Variants in GRM1 observed in about 807,000 individuals in gnomAD.
GRM1 encodes glutamate metabotropic receptor 1, also known as metabotropic glutamate receptor 1.
GRM1 carries 33 observed loss-of-function variants against 90.9 expected under a neutral mutation model. That is an observed-to-expected ratio of 0.36 (90% CI 0.28 to 0.49). The LOEUF (loss-of-function observed/expected upper bound fraction) is 0.49, where lower values mean the gene tolerates loss of function less well. GRM1 is among the 20% of genes least tolerant of loss of function. The pLI is 0.99. For synonymous variants in GRM1, 700 were observed against 613.2 expected, an observed-to-expected ratio of 1.14 and a Z score of -2.09; for missense variants, 1,190 against 1,534.3, an observed-to-expected ratio of 0.78 and a Z score of 3.75.
chr6:146,212,409 C>T (rs1246795159), intron 2 of GRM1, among the ~76,000 whole-genome samples: 5 of 152,184 alleles, frequency 3.3e-5, no homozygotes, highest in Non-Finnish European at 7.3e-5. Flanking sequence ...CCTTCTAATT[C>T]TCAGTATAAC....
intron 2 of GRM1, among the ~76,000 whole-genome samples, chr6:146,169,774 A>C (rs1356178896): frequency 6.6e-6 from 1 of 152,136 alleles, no homozygotes; most frequent in Non-Finnish European, 1.5e-5. Flanking sequence ...ACATTTATAC[A>C]ATGTCTGATA....
intron 5 of GRM1, 111 bp downstream of exon 5, chr6:146,357,805 G>A: frequency 1.1e-6 from 1 of 883,498 alleles, no homozygotes. Flanking sequence ...GAAAGGGTGT[G>A]CCAGGCTTAC....
At chr6:146,147,341 G>A (rs929314951) in intron 1 of GRM1, among the ~76,000 whole-genome samples, 47 of 152,178 alleles carry the variant, frequency 3.1e-4, no homozygotes, top group East Asian at 1.9e-4. Flanking sequence ...GGCAAGTTAC[G>A]TAAGTTCTCT....
chr6:146,296,956 G>C (rs1478711040), intron 2 of GRM1, among the ~76,000 whole-genome samples: 4 of 152,178 alleles, frequency 2.6e-5, no homozygotes, highest in African/African-American at 9.7e-5. Flanking sequence ...ATGGGTGTTA[G>C]AATCGATTTC....
chr6:146,242,272 A>G (rs1780892110), intron 2 of GRM1, among the ~76,000 whole-genome samples: 1 of 152,160 alleles, frequency 6.6e-6, no homozygotes, highest in Non-Finnish European at 1.5e-5. Flanking sequence ...CCTGTGTCAC[A>G]CAGCTAGCAA....
At chr6:146,228,135 G>A (rs548091107) in intron 2 of GRM1, among the ~76,000 whole-genome samples, 48 of 152,186 alleles carry the variant, frequency 3.2e-4, no homozygotes, top group African/African-American at 1.1e-3. Context: ...TTGTCCTTCT[G>A]GCATCACCTT....
chr6:146,350,717 A>C lies in GRM1; in HGVS notation c.1187-1533A>C, dbSNP rs568202795. Among the ~76,000 whole-genome samples, 26 of 152,220 alleles carry C rather than the reference A, an allele frequency of 1.7e-4. 2 individuals are homozygous for C. In the South Asian group the frequency reaches 5.2e-3, roughly 30 times the overall value. ...TGAATCTGCAATTTTTGGAAGGAGG[A>C]TCTTTTCTTTCTTATGTAACTTTCT... is the stretch of plus-strand genomic sequence containing the variant. On this transcript the variant is annotated intron_variant, in intron 3 of 7. Coordinates refer to ENST00000282753, the MANE Select transcript of GRM1 (RefSeq NM_001278064.2).
intron 1 of GRM1, among the ~76,000 whole-genome samples, chr6:146,035,494 G>C (rs929920936): frequency 6.6e-6 from 1 of 151,956 alleles, no homozygotes; most frequent in Non-Finnish European, 1.5e-5. Context: ...TTCTCTAGCT[G>C]TCTACTTTAT....
At chr6:146,235,055 T>C (rs934166527) in intron 2 of GRM1, among the ~76,000 whole-genome samples, 1 of 152,162 alleles carries the variant, frequency 6.6e-6, no homozygotes, top group African/African-American at 2.4e-5. Context: ...AATTTCTTTT[T>C]GTCATCATAT....
At chr6:146,094,487 CTA>C (rs1776813476) in intron 1 of GRM1, among the ~76,000 whole-genome samples, 1 of 152,108 alleles carries the variant, frequency 6.6e-6, no homozygotes, top group Admixed American at 6.6e-5. Flanking sequence ...TGCATGACTG[CTA>C]TAGGGCGTAT....
In GRM1 at chr6:146,316,263, T is replaced by A. The variant is rs180766097; in HGVS notation, c.1186+11417T>A. 5.1e-3 allele frequency among the ~76,000 whole-genome samples: 774 copies of A among 152,322 alleles called. 2 individuals carry two copies. Among genetic ancestry groups the A allele is most frequent in the Non-Finnish European group, 8.8e-3 (600 of 68,022 alleles). Reference sequence around the variant, plus strand: ...GAACTTTACATCTATCTGACTTTTCTTCCTCAACCACACCTCTCTCTGGAC... The same window carrying A: ...GAACTTTACATCTATCTGACTTTTCATCCTCAACCACACCTCTCTCTGGAC... On this transcript the variant is annotated intron_variant, in intron 3 of 7. Transcript: ENST00000282753.
rs1166125843 is a variant in GRM1, at chr6:146,314,246, TG to T, written c.1186+9402del. ...CATGCCCGATTAATTTTTTTTTTTT[TG>T]GTATTTTTAGTAGAGATGGGGTTTC... On this transcript the variant is annotated intron_variant, in intron 3 of 7. Transcript: ENST00000282753. Among the ~76,000 whole-genome samples, 59 of 150,326 alleles carry T rather than the reference TG, an allele frequency of 3.9e-4. 1 individual carries two copies. The highest frequency in any genetic ancestry group is 1.2e-3 in the African/African-American group (47 of 40,614).
At chr6:146,368,511 G>C (rs1775783305) in intron 5 of GRM1, among the ~76,000 whole-genome samples, 1 of 151,910 alleles carries the variant, frequency 6.6e-6, no homozygotes, top group Non-Finnish European at 1.5e-5. Flanking sequence ...CTGTGGATTT[G>C]TTCATATATG....
rs540396765 is a variant in GRM1 at position 146,434,799 on chromosome 6, G to C, written c.*3G>C. The C allele has an allele frequency of 6.3e-7, 1 of 1,591,092 alleles. No homozygotes were observed. The highest frequency in any genetic ancestry group is 1.3e-5 in the African/African-American group (1 of 74,912). On this transcript the variant is annotated 3_prime_UTR_variant, in exon 8 of 8. Transcript: ENST00000282753. ...AGCAAAGCTCTTCCACCCTGTAAGG[G>C]GGAAGGGTCCACATAGAAAAGCAAG... is the stretch of plus-strand genomic sequence containing the variant.
intron 3 of GRM1, among the ~76,000 whole-genome samples, chr6:146,321,644 G>A (rs769731010): frequency 6.2e-4 from 94 of 151,636 alleles, no homozygotes; most frequent in Admixed American, 3.4e-3. Flanking sequence ...TATGAATCTC[G>A]GTGCTCCTGT....
chr6:146,290,186 G>A (rs1782927207), intron 2 of GRM1, among the ~76,000 whole-genome samples: 1 of 152,092 alleles, frequency 6.6e-6, no homozygotes, highest in Admixed American at 6.5e-5. Context: ...TCATACAAGG[G>A]GCTCTTTGAA....
intron 7 of GRM1, chr6:146,426,785 G>C: frequency 1.7e-6 from 1 of 601,524 alleles, no homozygotes; most frequent in South Asian, 2.1e-5. Flanking sequence ...TTGCACGACT[G>C]CCTTAAATTG....
At chr6:146,228,629 A>G (rs899636649) in intron 2 of GRM1, among the ~76,000 whole-genome samples, 2 of 152,188 alleles carry the variant, frequency 1.3e-5, no homozygotes, top group Non-Finnish European at 2.9e-5. Flanking sequence ...TCTGAAGGAT[A>G]TAACTCTCCT....
At position 146,371,193 on chromosome 6, in the gene GRM1, G is replaced by C. The variant is rs577036245; in HGVS notation, c.1602+13499G>C. ...CTCATAGTGTAACTGGGGAAAAACGGATCAGTAATTAGATTCTATTGTTGC... is the reference window on the plus strand; with the variant it reads ...CTCATAGTGTAACTGGGGAAAAACGCATCAGTAATTAGATTCTATTGTTGC... On this transcript the variant is annotated intron_variant, in intron 5 of 7. Coordinates refer to ENST00000282753, the MANE Select transcript of GRM1 (RefSeq NM_001278064.2). Among the ~76,000 whole-genome samples, 19 of 152,178 alleles carry C rather than the reference G, an allele frequency of 1.2e-4. No homozygotes were observed. In the South Asian group the frequency reaches 3.7e-3, roughly 30 times the overall value.
Sources: gnomAD v4.1 joint callset for allele counts (sites outside exome capture counted in the v4.1 genomes callset) on GRCh38, gnomAD v4.1.1 for gene constraint, MANE v1.5 for transcripts, NCBI Gene and HGNC (gene_info 2026-07-23, HGNC 2026-07-21) for gene names.